Variants in EYA2 observed in about 807,000 individuals in gnomAD.
EYA2 encodes protein phosphatase EYA2.
EYA2 carries 31 observed loss-of-function variants against 69.2 expected under a neutral mutation model. The ratio of observed to expected loss-of-function variants is 0.45; its 90% CI spans 0.34 to 0.60. The LOEUF is 0.60. Ranked by LOEUF, EYA2 falls within the 20% of genes least tolerant of loss-of-function variation. The pLI is 0.02. For synonymous variants in EYA2, 257 were observed against 279.4 expected (o/e 0.92, Z 0.80); for missense variants, 622 against 701.2 (o/e 0.89, Z 1.28).
intron 1 of EYA2, among the ~76,000 whole-genome samples, chr20:46,955,544 G>T (rs923999792): frequency 6.6e-6 from 1 of 152,200 alleles, no homozygotes; most frequent in East Asian, 1.9e-4. Flanking sequence ...TGATGCTGAA[G>T]TATATAAAGT....
intron 9 of EYA2, among the ~76,000 whole-genome samples, chr20:47,109,029 G>A (rs902626040): frequency 7.2e-5 from 11 of 152,026 alleles, no homozygotes; most frequent in South Asian, 2.1e-4. Flanking sequence ...AGATGCAGGC[G>A]GGGAGGAGCA....
At chr20:46,948,719 A>G (rs1978622671) in intron 1 of EYA2, among the ~76,000 whole-genome samples, 1 of 152,214 alleles carries the variant, frequency 6.6e-6, no homozygotes, top group Non-Finnish European at 1.5e-5. Flanking sequence ...AAAGCTGCAC[A>G]CATTATTGTT....
intron 9 of EYA2, among the ~76,000 whole-genome samples, chr20:47,109,968 G>T (rs534543723): frequency 6.6e-6 from 1 of 152,166 alleles, no homozygotes; most frequent in Non-Finnish European, 1.5e-5. Context: ...AGGTCCTCCA[G>T]GTCTTCCTTA....
Position 46,941,107 on chromosome 20 carries a change from G to A in EYA2, c.-11+46120G>A, listed in dbSNP as rs143159319. Among the ~76,000 whole-genome samples, 627 of 152,320 alleles carry A rather than the reference G, an allele frequency of 4.1e-3. 5 individuals carry two copies. Among genetic ancestry groups the A allele is most frequent in the African/African-American group, 0.014 (597 of 41,570 alleles). Reference sequence around the variant, plus strand: ...AGGCTGAGAAGGCTGGACAGGGGACGCTGACTAGGGGACCCCCGTGCTGGA... The same window carrying A: ...AGGCTGAGAAGGCTGGACAGGGGACACTGACTAGGGGACCCCCGTGCTGGA... On this transcript the variant is annotated intron_variant, in intron 1 of 15. Transcript: ENST00000327619.
chr20:47,117,687 G>A, intron 9 of EYA2: 1 of 985,428 alleles, frequency 1.0e-6, no homozygotes, highest in Non-Finnish European at 1.2e-6. Flanking sequence ...TGACGCAGCA[G>A]TTAAAAACTA....
chr20:47,057,507 A>ATC (rs2030685529), intron 5 of EYA2, among the ~76,000 whole-genome samples: 2 of 119,762 alleles, frequency 1.7e-5, no homozygotes, highest in Non-Finnish European at 3.4e-5. Flanking sequence ...TACTTTTTAT[A>ATC]TCACCCCCCC....
chr20:47,083,781 AAG>A (rs2031803763), intron 7 of EYA2, among the ~76,000 whole-genome samples: 1 of 152,234 alleles, frequency 6.6e-6, no homozygotes, highest in South Asian at 2.1e-4. Flanking sequence ...AAAAGAAAAA[AAG>A]AATATAAACT....
chr20:47,183,080 A>G (rs984831590), intron 14 of EYA2, among the ~76,000 whole-genome samples: 1 of 152,164 alleles, frequency 6.6e-6, no homozygotes, highest in Non-Finnish European at 1.5e-5. Flanking sequence ...GCCCTGGGCA[A>G]GCTACTGACC....
intron 10 of EYA2, among the ~76,000 whole-genome samples, chr20:47,166,404 A>T (rs1344736387): frequency 3.8e-4 from 47 of 125,316 alleles, no homozygotes; most frequent in African/African-American, 1.3e-3. Context: ...AAAAAAAAAA[A>T]AAAAAAAAAA....
intron 8 of EYA2, among the ~76,000 whole-genome samples, chr20:47,094,960 G>A (rs2032201852): frequency 6.6e-6 from 1 of 152,112 alleles, no homozygotes; most frequent in Admixed American, 6.5e-5. Flanking sequence ...TGAGCCTGGA[G>A]AGGTCTAGGC....
At chr20:46,943,984 T>C (rs1450526366) in intron 1 of EYA2, among the ~76,000 whole-genome samples, 1 of 152,182 alleles carries the variant, frequency 6.6e-6, no homozygotes, top group Non-Finnish European at 1.5e-5. Context: ...AGAAGCTGAC[T>C]TGTGCCAAAA....
At chr20:46,910,031 C>T (rs1984567093) in intron 1 of EYA2, among the ~76,000 whole-genome samples, 1 of 152,182 alleles carries the variant, frequency 6.6e-6, no homozygotes, top group South Asian at 2.1e-4. Flanking sequence ...GTTTGTCTTA[C>T]TTATTTCAAG....
intron 7 of EYA2, among the ~76,000 whole-genome samples, chr20:47,085,559 T>G (rs1185087764): frequency 6.6e-6 from 1 of 151,618 alleles, no homozygotes; most frequent in Non-Finnish European, 1.5e-5. Flanking sequence ...GGCAGGAGAA[T>G]CGCTTGAACC....
At chr20:46,895,066 C>G (rs965232043) in intron 1 of EYA2, 79 bp downstream of exon 1, 1 of 152,230 alleles carries the variant, frequency 6.6e-6, no homozygotes, top group Non-Finnish European at 1.5e-5. Flanking sequence ...CCGGGACCCC[C>G]TCGCCCTGCG....
At chr20:46,935,081 C>T (rs6094514) in intron 1 of EYA2, among the ~76,000 whole-genome samples, 19,708 of 152,176 alleles carry the variant, frequency 0.13, 1,552 homozygotes, top group East Asian at 0.39. Context: ...GAGGAGGTTG[C>T]GCACCAGTCT....
At chr20:47,093,568 C>A (rs1448743196) in intron 8 of EYA2, among the ~76,000 whole-genome samples, 7 of 152,250 alleles carry the variant, frequency 4.6e-5, no homozygotes, top group Non-Finnish European at 1.0e-4. Context: ...CTTCCCCTCT[C>A]TGGGCACCAG....
chr20:47,140,296 C>T (rs2033567403), intron 9 of EYA2, among the ~76,000 whole-genome samples: 1 of 152,104 alleles, frequency 6.6e-6, no homozygotes, highest in Admixed American at 6.6e-5. Flanking sequence ...CCTGCCCCAT[C>T]GACTTCCAGC....
chr20:47,111,684 T>G (rs1253998896), intron 9 of EYA2, among the ~76,000 whole-genome samples: 2 of 152,250 alleles, frequency 1.3e-5, no homozygotes, highest in Admixed American at 6.5e-5. Flanking sequence ...AGATCATTTC[T>G]GCTGCATTCT....
intron 1 of EYA2, among the ~76,000 whole-genome samples, chr20:46,908,714 C>G (rs75973758): frequency 6.6e-6 from 1 of 151,946 alleles, no homozygotes; most frequent in East Asian, 1.9e-4. Flanking sequence ...TTTTCAAAAT[C>G]TGAATTTTTA....
Sources: gnomAD v4.1 joint callset for allele counts (sites outside exome capture counted in the v4.1 genomes callset) on GRCh38, gnomAD v4.1.1 for gene constraint, MANE v1.5 for transcripts, NCBI Gene and HGNC (gene_info 2026-07-23, HGNC 2026-07-21) for gene names.